Variants in ASPH observed in about 807,000 individuals in gnomAD.
ASPH encodes aspartate beta-hydroxylase.
Under a neutral mutation model 118.4 loss-of-function variants are expected in ASPH, and 100 were observed. That is an observed-to-expected ratio of 0.84 (90% confidence interval 0.72 to 1.00). ASPH has a LOEUF of 1.00. ASPH is among the 50% of genes least tolerant of loss of function. The probability of loss-of-function intolerance (pLI) is 0.00; values close to 1 mark genes in which losing one functional copy is unlikely to be tolerated. For missense variants in ASPH, 920 were observed against 919.5 expected (o/e 1.00, Z -0.01); for synonymous variants, 315 against 325.6 (o/e 0.97, Z 0.35).
chr8:61,519,309 C>A (rs1052356826), intron 22 of ASPH, among the ~76,000 whole-genome samples: 1 of 152,008 alleles, frequency 6.6e-6, no homozygotes, highest in East Asian at 1.9e-4. Context: ...CCTAATTTTT[C>A]TTAATTTTAA....
intron 17 of ASPH, among the ~76,000 whole-genome samples, chr8:61,565,917 T>C (rs1831534311): frequency 6.6e-6 from 1 of 152,194 alleles, no homozygotes; most frequent in Non-Finnish European, 1.5e-5. Context: ...TTGTGCTCTA[T>C]AAATGGGAAA....
chr8:61,548,029 T>C (rs1259147870), intron 21 of ASPH, 42 bp downstream of exon 21: 4 of 1,524,290 alleles, frequency 2.6e-6, no homozygotes, highest in African/African-American at 2.8e-5. Context: ...GAGGAGGAAA[T>C]AGACAAAGAT....
At chr8:61,532,806 A>G (rs1043173467) in intron 21 of ASPH, among the ~76,000 whole-genome samples, 1 of 152,198 alleles carries the variant, frequency 6.6e-6, no homozygotes, top group African/African-American at 2.4e-5. Context: ...TGACTCTGCC[A>G]CTTATTTGCT....
At chr8:61,686,539 C>T (rs7015043) in intron 1 of ASPH, among the ~76,000 whole-genome samples, 67,900 of 151,966 alleles carry the variant, frequency 0.45, 15,826 homozygotes, top group East Asian at 0.52. Context: ...TTTTTATAAA[C>T]AGAAAGACTT....
intron 14 of ASPH, among the ~76,000 whole-genome samples, chr8:61,616,380 C>A (rs1588133602): frequency 6.6e-6 from 1 of 152,170 alleles, no homozygotes; most frequent in African/African-American, 2.4e-5. Context: ...CTGTGAGCAG[C>A]AGATTTGGGG....
chr8:61,561,479 A>C (rs1219468052), intron 18 of ASPH, among the ~76,000 whole-genome samples: 4 of 152,204 alleles, frequency 2.6e-5, no homozygotes, highest in African/African-American at 4.8e-5. Context: ...AAAATATAAA[A>C]ATTATGAGAA....
intron 1 of ASPH, among the ~76,000 whole-genome samples, chr8:61,712,750 G>C (rs1589393955): frequency 6.6e-6 from 1 of 152,186 alleles, no homozygotes; most frequent in Non-Finnish European, 1.5e-5. Flanking sequence ...ACATTTCCCA[G>C]TATTAGTTCT....
chr8:61,696,302 T>G (rs1459117022), intron 1 of ASPH, among the ~76,000 whole-genome samples: 2 of 152,204 alleles, frequency 1.3e-5, no homozygotes, highest in African/African-American at 4.8e-5. Flanking sequence ...GCTTGCATTT[T>G]CATCAGTATT....
At position 61,556,012 on chromosome 8, in the gene ASPH, A is replaced by G; in HGVS notation, c.1448T>C (p.Val483Ala). 1 of 1,613,602 alleles carries G rather than the reference A, an allele frequency of 6.2e-7. No individual in the cohort carries two copies. ...TTTAGCAAAGCCATCATTAGGTGTC[A>G]CACTCAGCACCTAAACTCAAAGAAA... is the stretch of plus-strand genomic sequence containing the variant. ...AKKVYEEVLSVTPNDGFAKVH... is the reference protein window; with the variant it reads ...AKKVYEEVLSATPNDGFAKVH... The change falls in exon 19 of 25, where the codon GTG (valine) becomes GCG (alanine). Residue 483 changes from valine to alanine, a missense_variant. Physicochemically the swap from Val to Ala is moderately conservative, Grantham distance 64 (BLOSUM62 0). Transcript: ENST00000379454.
At chr8:61,510,662 C>T (rs1415516849) in intron 24 of ASPH, among the ~76,000 whole-genome samples, 4 of 152,140 alleles carry the variant, frequency 2.6e-5, no homozygotes, top group Non-Finnish European at 5.9e-5. Flanking sequence ...TAGGAACAGC[C>T]ACAGACACAC....
At chr8:61,637,429 GCTAA>G (rs373326881) in intron 12 of ASPH, among the ~76,000 whole-genome samples, 56 of 152,180 alleles carry the variant, frequency 3.7e-4, no homozygotes, top group African/African-American at 5.5e-4. Context: ...ACTGTAAAAT[GCTAA>G]CTAAGAACTG....
intron 12 of ASPH, among the ~76,000 whole-genome samples, chr8:61,634,082 T>TTTC (rs1856768164): frequency 6.6e-6 from 1 of 152,228 alleles, no homozygotes; most frequent in Admixed American, 6.5e-5. Flanking sequence ...AAGTATCTTA[T>TTTC]TTCTTCTTTA....
intron 1 of ASPH, chr8:61,689,697 C>T: frequency 6.3e-7 from 1 of 1,585,150 alleles, no homozygotes; most frequent in Non-Finnish European, 8.6e-7. Context: ...ATTTTGATTT[C>T]TTCAATCCAT....
chr8:61,603,174 C>CA (rs1249900846), intron 14 of ASPH, among the ~76,000 whole-genome samples: 1 of 104,410 alleles, frequency 9.6e-6, no homozygotes, highest in African/African-American at 3.8e-5. Flanking sequence ...GCCTGGGTGA[C>CA]AGAGTGAGAC....
In ASPH at chr8:61,516,194, A is replaced by T. The variant is rs79952624; in HGVS notation, c.2126+1334T>A. ...ACCCCTCTTTAGCTTTCAATGTCCG[A>T]ATCCTTCTTGTCTTTAAAAACCACC... On this transcript the variant is annotated intron_variant, in intron 24 of 24. Coordinates refer to ENST00000379454, the MANE Select transcript of ASPH (RefSeq NM_004318.4). Among the ~76,000 whole-genome samples the T allele has an allele frequency of 1.2e-3, 189 of 152,238 alleles. 1 individual carries two copies. The East Asian group carries it at 0.031, about 25-fold the overall frequency.
At chr8:61,683,395 T>G (rs1249804760) in intron 2 of ASPH, among the ~76,000 whole-genome samples, 1 of 152,054 alleles carries the variant, frequency 6.6e-6, no homozygotes, top group Non-Finnish European at 1.5e-5. Flanking sequence ...GAATCATTAA[T>G]GTAAAAAATC....
intron 14 of ASPH, among the ~76,000 whole-genome samples, chr8:61,601,032 C>A (rs796919028): frequency 6.6e-6 from 1 of 151,260 alleles, no homozygotes; most frequent in South Asian, 2.1e-4. Context: ...TAAATCAATT[C>A]ATTAAGAGAA....
intron 3 of ASPH, among the ~76,000 whole-genome samples, chr8:61,679,911 T>G (rs1270747692): frequency 7.6e-6 from 1 of 131,920 alleles, no homozygotes; most frequent in Non-Finnish European, 1.6e-5. Flanking sequence ...TAAGTTTCAA[T>G]GCACAAACAC....
chr8:61,551,778 C>T (rs1192482491), intron 20 of ASPH, among the ~76,000 whole-genome samples: 1 of 152,100 alleles, frequency 6.6e-6, no homozygotes, highest in Non-Finnish European at 1.5e-5. Context: ...CTTTCTTATC[C>T]CTCTCATTCA....
Sources: allele counts gnomAD v4.1 joint callset (sites outside exome capture counted in the v4.1 genomes callset), GRCh38; gene constraint gnomAD v4.1.1; transcripts MANE v1.5; gene names NCBI Gene and HGNC (gene_info 2026-07-23, HGNC 2026-07-21).